Variants in DENND1B observed in about 807,000 individuals in gnomAD.
The protein encoded by DENND1B is DENN domain-containing protein 1B.
Under a neutral mutation model 90.1 loss-of-function variants are expected in DENND1B, and 59 were observed. The observed-to-expected ratio is 0.65, with a 90% CI of 0.53 to 0.81. The LOEUF (loss-of-function observed/expected upper bound fraction) is 0.81. DENND1B is among the 40% of genes least tolerant of loss of function. The probability of loss-of-function intolerance (pLI) is 0.00; values close to 1 mark genes in which losing one functional copy is unlikely to be tolerated. For synonymous variants in DENND1B, 337 were observed against 324.6 expected (o/e 1.04, Z -0.41); for missense variants, 862 against 912.6 (o/e 0.94, Z 0.71).
chr1:197,756,210 G>A (rs1447821448), intron 2 of DENND1B, among the ~76,000 whole-genome samples: 1 of 152,200 alleles, frequency 6.6e-6, no homozygotes, highest in African/African-American at 2.4e-5. Context: ...ACATTCACCT[G>A]TTCCTCTGTG....
At chr1:197,622,707 T>C (rs965102529) in intron 10 of DENND1B, among the ~76,000 whole-genome samples, 1 of 151,426 alleles carries the variant, frequency 6.6e-6, no homozygotes, top group African/African-American at 2.4e-5. Context: ...AGATCATTGA[T>C]ACAAATTCTA....
At chr1:197,537,044 GA>G (rs144198875) in intron 20 of DENND1B, among the ~76,000 whole-genome samples, 36 of 135,186 alleles carry the variant, frequency 2.7e-4, no homozygotes, top group African/African-American at 2.8e-4. Context: ...CCGTCTCAGA[GA>G]AAAAAAAAAA....
intron 3 of DENND1B, among the ~76,000 whole-genome samples, chr1:197,701,326 G>T (rs1024513073): frequency 6.6e-6 from 1 of 152,102 alleles, no homozygotes; most frequent in African/African-American, 2.4e-5. Context: ...AACTAACACA[G>T]GAACAGAAAA....
chr1:197,577,533 G>A (rs1673793651), intron 15 of DENND1B, among the ~76,000 whole-genome samples: 2 of 152,130 alleles, frequency 1.3e-5, no homozygotes, highest in East Asian at 1.9e-4. Flanking sequence ...CTTAGCCATG[G>A]TGAATGTATG....
At chr1:197,600,660 G>C (rs970164951) in intron 13 of DENND1B, among the ~76,000 whole-genome samples, 4 of 151,814 alleles carry the variant, frequency 2.6e-5, no homozygotes, top group Middle Eastern at 6.8e-3. Context: ...AGCTTAGCTT[G>C]TACCCTAATA....
intron 20 of DENND1B, among the ~76,000 whole-genome samples, chr1:197,521,441 T>C (rs556730161): frequency 1.3e-5 from 2 of 152,088 alleles, no homozygotes; most frequent in East Asian, 1.9e-4. Flanking sequence ...TGAGAAAATA[T>C]AACTTTTTAG....
In DENND1B at chr1:197,506,517, T is replaced by C. The variant is rs1482121709; in HGVS notation, c.*3943A>G. 1 of 151,568 alleles carries C rather than the reference T, an allele frequency of 6.6e-6. No homozygotes were observed. 9.4% of individuals were successfully genotyped at this position (151,568 alleles called of 1,614,324 possible). A position where few individuals can be genotyped will look rare whatever the true frequency, so the allele number is the denominator to read the frequency against. ...TATGTCAAACAAAATGGAATTTGTA[T>C]AAGAAAATTTATTCATGAAAATAAT... On this transcript the variant is annotated 3_prime_UTR_variant, in exon 23 of 23. Coordinates refer to ENST00000620048, the MANE Select transcript of DENND1B (RefSeq NM_001195215.2).
chr1:197,683,246 T>G (rs998780379), intron 3 of DENND1B, among the ~76,000 whole-genome samples: 1 of 152,094 alleles, frequency 6.6e-6, no homozygotes, highest in Non-Finnish European at 1.5e-5. Context: ...GAAAAATAAA[T>G]TAATAAATAT....
intron 20 of DENND1B, among the ~76,000 whole-genome samples, chr1:197,517,884 A>T (rs1296797432): frequency 1.3e-5 from 2 of 150,788 alleles, no homozygotes; most frequent in African/African-American, 4.9e-5. Flanking sequence ...TGCTACCAAA[A>T]CTTCTTTCTT....
chr1:197,773,111 G>A, intron 1 of DENND1B, 179 bp from the exon 2 acceptor site: 1 of 616,266 alleles, frequency 1.6e-6, no homozygotes, highest in Non-Finnish European at 2.9e-6. Flanking sequence ...ACTTAAAAGA[G>A]CTGAGACTTA....
chr1:197,514,813 G>C (rs1216518917), intron 20 of DENND1B, among the ~76,000 whole-genome samples: 1 of 151,478 alleles, frequency 6.6e-6, no homozygotes, highest in Non-Finnish European at 1.5e-5. Flanking sequence ...TGTTTAGTAA[G>C]TTTCCTGTTT....
chr1:197,756,448 G>A (rs766353073), intron 2 of DENND1B, among the ~76,000 whole-genome samples: 57 of 151,786 alleles, frequency 3.8e-4, no homozygotes, highest in Non-Finnish European at 6.0e-4. Context: ...GGTGGCATGC[G>A]CCTGTAATCC....
chr1:197,745,088 G>T (rs1663581546), intron 2 of DENND1B, among the ~76,000 whole-genome samples: 1 of 152,176 alleles, frequency 6.6e-6, no homozygotes, highest in Non-Finnish European at 1.5e-5. Context: ...CAATGTTGTG[G>T]ATGGTTTGTG....
chr1:197,620,979 G>T (rs569510705), intron 10 of DENND1B, among the ~76,000 whole-genome samples: 1 of 151,378 alleles, frequency 6.6e-6, no homozygotes, highest in East Asian at 2.0e-4. Flanking sequence ...CTAACTGAAG[G>T]GAGAGAGTAA....
At chr1:197,752,682 G>A (rs1028310414) in intron 2 of DENND1B, among the ~76,000 whole-genome samples, 1 of 151,524 alleles carries the variant, frequency 6.6e-6, no homozygotes, top group African/African-American at 2.4e-5. Context: ...TAGGGTACAT[G>A]TACACAACAT....
chr1:197,522,516 G>A (rs1668847674), intron 20 of DENND1B, among the ~76,000 whole-genome samples: 1 of 152,018 alleles, frequency 6.6e-6, no homozygotes, highest in Non-Finnish European at 1.5e-5. Context: ...ACTGTCATCT[G>A]ATATATTCTC....
intron 5 of DENND1B, among the ~76,000 whole-genome samples, chr1:197,659,232 T>C (rs374757832): frequency 1.3e-5 from 2 of 151,588 alleles, no homozygotes; most frequent in South Asian, 4.2e-4. Context: ...CACAGATTAA[T>C]AGTACATACA....
intron 2 of DENND1B, among the ~76,000 whole-genome samples, chr1:197,726,640 T>C (rs1167994315): frequency 2.0e-5 from 3 of 152,142 alleles, no homozygotes; most frequent in Non-Finnish European, 4.4e-5. Flanking sequence ...TGAAGCATAG[T>C]AGTTGAGGTA....
At chr1:197,591,934 C>T (rs1478269025) in intron 14 of DENND1B, among the ~76,000 whole-genome samples, 1 of 151,860 alleles carries the variant, frequency 6.6e-6, no homozygotes, top group African/African-American at 2.4e-5. Context: ...CGCGGCAAAA[C>T]CCCGTCTCTA....
Sources: gnomAD v4.1 joint callset for allele counts (sites outside exome capture counted in the v4.1 genomes callset) on GRCh38, gnomAD v4.1.1 for gene constraint, MANE v1.5 for transcripts, NCBI Gene and HGNC (gene_info 2026-07-23, HGNC 2026-07-21) for gene names.